AP1B1: variants seen among roughly 807,000 people sequenced by gnomAD.
The protein encoded by AP1B1 is adaptor related protein complex 1 subunit beta 1.
Under a neutral mutation model 104.3 loss-of-function variants are expected in AP1B1, and 36 were observed. The observed-to-expected ratio is 0.35, with a 90% CI of 0.26 to 0.46. The LOEUF is 0.46. Among genes scored for constraint, AP1B1 ranks in the 20% least tolerant of loss-of-function variants. The probability of loss-of-function intolerance (pLI) is 1.00; values close to 1 mark genes in which losing one functional copy is unlikely to be tolerated. For missense variants in AP1B1, 901 were observed against 1,247.9 expected, an observed-to-expected ratio of 0.72 and a Z score of 4.19; for synonymous variants, 504 against 517.5, an observed-to-expected ratio of 0.97 and a Z score of 0.35.
chr22:29,349,798 G>A (rs960454845), intron 10 of AP1B1, among the ~76,000 whole-genome samples: 1 of 152,144 alleles, frequency 6.6e-6, no homozygotes, highest in East Asian at 1.9e-4. Context: ...TTACAGGCAA[G>A]AGCCACCACA....
intron 2 of AP1B1, among the ~76,000 whole-genome samples, 200 bp downstream of exon 2, chr22:29,367,007 T>C (rs2062153571): frequency 6.6e-6 from 1 of 152,170 alleles, no homozygotes; most frequent in Admixed American, 6.5e-5. Flanking sequence ...TGTTCTTCCC[T>C]TTCTGAGCTC....
At chr22:29,340,917 C>A in intron 13 of AP1B1, 60 bp from the exon 14 acceptor site, 1 of 1,506,800 alleles carries the variant, frequency 6.6e-7, no homozygotes, top group Non-Finnish European at 9.0e-7. Flanking sequence ...TCAAAGAGAC[C>A]CCAGCCTCCA....
intron 2 of AP1B1, among the ~76,000 whole-genome samples, chr22:29,363,533 A>G (rs887032879): frequency 6.6e-6 from 1 of 152,086 alleles, no homozygotes; most frequent in African/African-American, 2.4e-5. Flanking sequence ...CTGTAATCCC[A>G]GCTACTCGGG....
chr22:29,362,052 A>G (rs1252811488), intron 3 of AP1B1, among the ~76,000 whole-genome samples: 1 of 151,710 alleles, frequency 6.6e-6, no homozygotes, highest in African/African-American at 2.4e-5. Flanking sequence ...TCGGCCTCCC[A>G]AAGTGCTAGG....
intron 1 of AP1B1, among the ~76,000 whole-genome samples, chr22:29,388,161 G>C (rs544221089): frequency 6.6e-6 from 1 of 152,366 alleles, no homozygotes; most frequent in Non-Finnish European, 1.5e-5. Context: ...GAATTCCTCG[G>C]GGCCTAAGTC....
chr22:29,330,750 A>C, intron 19 of AP1B1, 41 bp from the exon 20 acceptor site: 3 of 1,559,880 alleles, frequency 1.9e-6, no homozygotes, highest in Non-Finnish European at 2.6e-6. Flanking sequence ...CGAGCCCCTC[A>C]TAAACCTGTG....
intron 15 of AP1B1, among the ~76,000 whole-genome samples, 167 bp downstream of exon 15, chr22:29,339,587 G>T (rs1370022289): frequency 1.3e-5 from 2 of 151,898 alleles, no homozygotes; most frequent in South Asian, 4.2e-4. Context: ...AGTGGCAGCC[G>T]GATGCCAGGT....
intron 10 of AP1B1, among the ~76,000 whole-genome samples, chr22:29,349,636 C>T (rs1027126264): frequency 3.9e-5 from 6 of 152,138 alleles, no homozygotes; most frequent in African/African-American, 9.7e-5. Flanking sequence ...GCCTCAGCCT[C>T]CCAAGTAGCT....
At chr22:29,383,716 T>G (rs1457028671) in intron 1 of AP1B1, among the ~76,000 whole-genome samples, 1 of 148,278 alleles carries the variant, frequency 6.7e-6, no homozygotes, top group East Asian at 2.0e-4. Context: ...AAAAAGCTTT[T>G]GAGACCTGAC....
chr22:29,340,107 C>T (rs2061692228), intron 14 of AP1B1, among the ~76,000 whole-genome samples: 1 of 152,154 alleles, frequency 6.6e-6, no homozygotes, highest in Non-Finnish European at 1.5e-5. Context: ...TAGGCGCCCC[C>T]ACACATGGTC....
intron 17 of AP1B1, 108 bp downstream of exon 17, chr22:29,334,157 C>A (rs1569151412): frequency 6.9e-6 from 8 of 1,167,172 alleles, no homozygotes; most frequent in Non-Finnish European, 9.4e-6. Flanking sequence ...GGGCACTGCC[C>A]TCCCCTCTAC....
At chr22:29,354,173 C>T (rs1343227020) in intron 7 of AP1B1, among the ~76,000 whole-genome samples, 2 of 152,218 alleles carry the variant, frequency 1.3e-5, no homozygotes, top group Admixed American at 6.5e-5. Context: ...ACTAGAGCTA[C>T]GGACTCTGTC....
chr22:29,352,826 C>T (rs1364705368), intron 7 of AP1B1, among the ~76,000 whole-genome samples: 1 of 152,120 alleles, frequency 6.6e-6, no homozygotes, highest in Non-Finnish European at 1.5e-5. Context: ...GAAACCTGAG[C>T]ATGAGGGTGG....
Position 29,341,760 on chromosome 22 carries a change from C to T in AP1B1, c.1537G>A (p.Asp513Asn). The T allele has an allele frequency of 6.2e-7, 1 of 1,604,550 alleles. No individual in the cohort carries two copies. The highest frequency in any genetic ancestry group is 8.5e-7 in the Non-Finnish European group (1 of 1,172,648). Residue 513 changes from aspartate (D) to asparagine (N), a missense_variant and splice_region_variant, in exon 13 of 23, where the codon GAC (aspartate) becomes AAC (asparagine). Physicochemically the swap from Asp to Asn is conservative, Grantham distance 23. Coordinates refer to ENST00000357586, the MANE Select transcript of AP1B1 (RefSeq NM_001127.4). The stretch of plus-strand genomic sequence containing the variant: ...TCCCGCAGGTCTGGGTTATCTGAGT[C>T]CTTGTGGGGGTGAGGAGAAGCCCAT... ...VQQVLSLATQ[D>N]SDNPDLRDRG...
At chr22:29,356,712 C>A (rs878858763) in intron 5 of AP1B1, 96 bp from the exon 6 acceptor site, 2 of 1,228,924 alleles carry the variant, frequency 1.6e-6, no homozygotes, top group Non-Finnish European at 2.3e-6. Context: ...GGTCAAATAT[C>A]CTGAAAGGAA....
chr22:29,331,856 T>C lies in AP1B1; in HGVS notation c.2370A>G (p.Thr790=). The part of the protein sequence containing the change: ...QVHAPLSPNQ[T]VEISLPLSTV... ...TGCTGAGAGGCAGGGAGATCTCCAC[T>C]GTCTGGTTGGGGCTGAGTGGCGCGT... The change falls in exon 18 of 23, where the codon ACA becomes ACG. Residue 790 remains threonine, a synonymous_variant. Coordinates refer to ENST00000357586, the MANE Select transcript of AP1B1 (RefSeq NM_001127.4). 6.2e-7 allele frequency: 1 copy of C among 1,613,890 alleles called. No individual in the cohort carries two copies. Among genetic ancestry groups the C allele is most frequent in the Non-Finnish European group, 8.5e-7 (1 of 1,179,906 alleles).
chr22:29,367,567 T>C (rs889305640), intron 1 of AP1B1, among the ~76,000 whole-genome samples: 4 of 151,178 alleles, frequency 2.6e-5, no homozygotes, highest in African/African-American at 7.3e-5. Context: ...CCCAAAGTGC[T>C]GGGATTACAG....
At chr22:29,361,882 C>T (rs2062052773) in intron 3 of AP1B1, among the ~76,000 whole-genome samples, 2 of 151,916 alleles carry the variant, frequency 1.3e-5, no homozygotes. Flanking sequence ...GCAGCCTCTG[C>T]CTCCCAGGTT....
At chr22:29,340,589 G>T in intron 14 of AP1B1, 67 bp downstream of exon 14, 1 of 1,445,198 alleles carries the variant, frequency 6.9e-7, no homozygotes. Flanking sequence ...CTGGCATGGA[G>T]GGGCATTCAG....
Sources: allele counts gnomAD v4.1 joint callset (sites outside exome capture counted in the v4.1 genomes callset), GRCh38; gene constraint gnomAD v4.1.1; transcripts MANE v1.5; gene names NCBI Gene and HGNC (gene_info 2026-07-23, HGNC 2026-07-21).